CA10: variants seen among roughly 807,000 people sequenced by gnomAD.
CA10 encodes the protein carbonic anhydrase-related protein 10.
A neutral mutation model predicts 44.2 loss-of-function variants in CA10; 14 were observed. The ratio of observed to expected loss-of-function variants is 0.32; its 90% CI spans 0.21 to 0.50. CA10 has a LOEUF of 0.50. CA10 is among the 20% of genes least tolerant of loss of function. The pLI is 0.99. For missense variants in CA10, 350 were observed against 409.7 expected (o/e 0.85, Z 1.26); for synonymous variants, 159 against 141.6 (o/e 1.12, Z -0.87).
At chr17:51,824,661 AC>A in intron 3 of CA10, among the ~76,000 whole-genome samples, 1 of 152,134 alleles carries the variant, frequency 6.6e-6, no homozygotes, top group East Asian at 1.9e-4. Context: ...TAACACCCTG[AC>A]CCCAGCCCTG....
Position 52,003,939 on chromosome 17 carries a change from CAA to C in CA10, c.136+68378_136+68379del, listed in dbSNP as rs56397346. On this transcript the variant is annotated intron_variant, in intron 2 of 8. Transcript: ENST00000451037. ...TAGATACTTATAGTAAAAACTAAAA[CAA>C]AAAAAAAAAAACCCTTAACACAACA... Among the ~76,000 whole-genome samples the C allele has an allele frequency of 5.1e-3, 761 of 148,048 alleles. 8 individuals are homozygous for C. The highest frequency in any genetic ancestry group is 0.016 in the African/African-American group (656 of 40,070).
chr17:51,919,214 C>T (rs1982126922), intron 3 of CA10, among the ~76,000 whole-genome samples: 1 of 152,036 alleles, frequency 6.6e-6, no homozygotes, highest in South Asian at 2.1e-4. Flanking sequence ...GGTTTATAGG[C>T]AATAATATCC....
intron 3 of CA10, among the ~76,000 whole-genome samples, chr17:51,904,687 A>G (rs1981465861): frequency 6.6e-6 from 1 of 152,140 alleles, no homozygotes; most frequent in African/African-American, 2.4e-5. Flanking sequence ...TATTAAGTTC[A>G]TGCCCAAGAG....
chr17:51,987,234 G>A (rs1984872387), intron 2 of CA10, among the ~76,000 whole-genome samples: 1 of 152,000 alleles, frequency 6.6e-6, no homozygotes, highest in African/African-American at 2.4e-5. Flanking sequence ...TAGCAACCTG[G>A]ATGAGATTGG....
At chr17:51,806,213 G>C (rs908296871) in intron 3 of CA10, among the ~76,000 whole-genome samples, 2 of 152,176 alleles carry the variant, frequency 1.3e-5, no homozygotes, top group Non-Finnish European at 2.9e-5. Flanking sequence ...GAGCAGTTTT[G>C]TAGAGACTAT....
chr17:51,993,340 A>C (rs1985111101), intron 2 of CA10, among the ~76,000 whole-genome samples: 1 of 152,120 alleles, frequency 6.6e-6, no homozygotes, highest in Non-Finnish European at 1.5e-5. Context: ...ATTAACATCT[A>C]CTGTTGTCTC....
chr17:51,740,190 C>T (rs946482204), intron 4 of CA10, among the ~76,000 whole-genome samples: 7 of 152,100 alleles, frequency 4.6e-5, no homozygotes, highest in East Asian at 1.9e-4. Context: ...CTCAGCAATA[C>T]GTACCCTGTG....
At chr17:51,869,706 T>C (rs1979719032) in intron 3 of CA10, among the ~76,000 whole-genome samples, 1 of 152,092 alleles carries the variant, frequency 6.6e-6, no homozygotes, top group Admixed American at 6.5e-5. Context: ...GGTCAAGAGC[T>C]TGAGACTAGC....
intron 3 of CA10, among the ~76,000 whole-genome samples, chr17:51,925,315 A>G (rs1012072552): frequency 9.9e-5 from 15 of 152,108 alleles, no homozygotes; most frequent in African/African-American, 3.1e-4. Context: ...GTATTCCAAA[A>G]ACTTGTACTG....
At chr17:51,975,541 A>G (rs989177405) in intron 2 of CA10, among the ~76,000 whole-genome samples, 11 of 152,180 alleles carry the variant, frequency 7.2e-5, no homozygotes, top group Admixed American at 7.2e-4. Context: ...GTAGACAGGC[A>G]TGGTGGCGAA....
intron 1 of CA10, among the ~76,000 whole-genome samples, chr17:52,139,405 C>G (rs1274972180): frequency 6.6e-6 from 1 of 151,536 alleles, no homozygotes; most frequent in African/African-American, 2.4e-5. Context: ...TTATCTAGAA[C>G]TTGCTCACAT....
chr17:52,115,860 G>A (rs368055466), intron 1 of CA10, among the ~76,000 whole-genome samples: 22 of 152,342 alleles, frequency 1.4e-4, no homozygotes, highest in African/African-American at 4.1e-4. Context: ...TTGGGAGGCC[G>A]AGGCAGGCAG....
rs570551749 is a variant in CA10 at position 52,058,788 on chromosome 17, C to A, written c.136+13531G>T. Among the ~76,000 whole-genome samples the A allele has an allele frequency of 1.7e-4, 26 of 152,240 alleles. No homozygotes were observed. In the East Asian group the frequency reaches 5.0e-3, roughly 29 times the overall value. ...GGTAGGGTTAGTTGTTTTCTTTTTT[C>A]TGCAGCCAATCCACATGTGTGGATC... On this transcript the variant is annotated intron_variant, in intron 2 of 8. Transcript: ENST00000451037.
intron 1 of CA10, among the ~76,000 whole-genome samples, chr17:52,119,566 C>G (rs1025058870): frequency 6.6e-6 from 1 of 152,032 alleles, no homozygotes; most frequent in Non-Finnish European, 1.5e-5. Flanking sequence ...TTTGAGGGTA[C>G]AAACTCATGG....
At chr17:52,157,161 T>TG (rs373704285) in intron 1 of CA10, among the ~76,000 whole-genome samples, 18 of 151,890 alleles carry the variant, frequency 1.2e-4, no homozygotes, top group African/African-American at 1.7e-4. Context: ...ACAAGAAAAT[T>TG]GGGGGGGTAG....
At position 52,130,599 on chromosome 17, in the gene CA10, GAACTCATAGA is replaced by G. The variant is rs1202451536; in HGVS notation, c.61+27117_61+27126del. 3.3e-5 allele frequency among the ~76,000 whole-genome samples: 5 copies of G among 152,166 alleles called. No homozygotes were observed. The East Asian group carries it at 7.7e-4, about 23-fold the overall frequency. ...CTTATATGTGGAACGTAATAAAGTT[GAACTCATAGA>G]AGCAGAGAATAGAATGGTGGTTACT... On this transcript the variant is annotated intron_variant, in intron 1 of 8. Transcript: ENST00000451037.
At chr17:52,114,813 G>T (rs1988856863) in intron 1 of CA10, among the ~76,000 whole-genome samples, 2 of 152,104 alleles carry the variant, frequency 1.3e-5, no homozygotes, top group South Asian at 4.1e-4. Flanking sequence ...CTTCCTATCA[G>T]GTCCTGGCTC....
chr17:51,853,816 A>G (rs1407758974), intron 3 of CA10, among the ~76,000 whole-genome samples: 2 of 152,106 alleles, frequency 1.3e-5, no homozygotes, highest in African/African-American at 2.4e-5. Context: ...CCTCCTTCAC[A>G]TGCTTGCTCT....
At chr17:51,707,547 C>T (rs1364221715) in intron 4 of CA10, among the ~76,000 whole-genome samples, 1 of 152,060 alleles carries the variant, frequency 6.6e-6, no homozygotes, top group Non-Finnish European at 1.5e-5. Flanking sequence ...TAGGAAATGG[C>T]AGAGTCTGCC....
Sources: allele counts gnomAD v4.1 joint callset (sites outside exome capture counted in the v4.1 genomes callset), GRCh38; gene constraint gnomAD v4.1.1; transcripts MANE v1.5; gene names NCBI Gene and HGNC (gene_info 2026-07-23, HGNC 2026-07-21).